Variants in GDA observed in about 807,000 individuals in gnomAD.
GDA encodes guanine deaminase.
GDA carries 18 observed loss-of-function variants against 59.6 expected under a neutral mutation model. The observed-to-expected ratio is 0.30, with a 90% confidence interval of 0.21 to 0.45. The LOEUF (loss-of-function observed/expected upper bound fraction) is 0.45, where lower values mean the gene tolerates loss of function less well. Among genes scored for constraint, GDA ranks in the 20% least tolerant of loss-of-function variants. The pLI, the probability that GDA is intolerant of heterozygous loss-of-function variation, is 1.00. For synonymous variants in GDA, 201 were observed against 201.1 expected (o/e 1.00, Z 0.00); for missense variants, 427 against 552.3 (o/e 0.77, Z 2.27).
chr9:72,233,497 C>T (rs538135042), intron 10 of GDA, among the ~76,000 whole-genome samples: 1 of 152,154 alleles, frequency 6.6e-6, no homozygotes, highest in Non-Finnish European at 1.5e-5. Context: ...CATAGACTCT[C>T]ATACACTGAT....
intron 1 of GDA, among the ~76,000 whole-genome samples, chr9:72,158,829 CA>C (rs1297838453): frequency 6.6e-6 from 1 of 152,026 alleles, no homozygotes; most frequent in Non-Finnish European, 1.5e-5. Context: ...GACAGTCTGC[CA>C]AATCCCTTAC....
Position 72,250,703 on chromosome 9 carries a change from C to T in GDA, c.*2361C>T. 1.2e-6 allele frequency: 2 copies of T among 1,611,256 alleles called. No homozygotes were observed. The highest frequency in any genetic ancestry group is 1.7e-6 in the Non-Finnish European group (2 of 1,179,110). On this transcript the variant is annotated 3_prime_UTR_variant, in exon 14 of 14. Transcript: ENST00000358399. ...AATTGTGGAGAGGCACTTTTCCAAG[C>T]CAATCTTATTTGTCACTTTTTGTTT...
chr9:72,202,267 T>G (rs1197555577), intron 2 of GDA, among the ~76,000 whole-genome samples: 2 of 152,102 alleles, frequency 1.3e-5, no homozygotes, highest in Admixed American at 6.6e-5. Flanking sequence ...TAAATCAGAG[T>G]TCCCGTCCTT....
intron 3 of GDA, among the ~76,000 whole-genome samples, chr9:72,203,759 C>A (rs902248120): frequency 6.6e-6 from 1 of 152,066 alleles, no homozygotes; most frequent in Non-Finnish European, 1.5e-5. Flanking sequence ...AACCATCTTG[C>A]CAGTTTTTTT....
At chr9:72,135,301 A>G (rs1040046253) in intron 1 of GDA, among the ~76,000 whole-genome samples, 2 of 152,152 alleles carry the variant, frequency 1.3e-5, no homozygotes, top group African/African-American at 4.8e-5. Context: ...AAAAATAGCA[A>G]TAATATTTTG....
chr9:72,162,946 T>C (rs991224308), intron 1 of GDA, among the ~76,000 whole-genome samples: 1 of 152,202 alleles, frequency 6.6e-6, no homozygotes, highest in Admixed American at 6.5e-5. Context: ...CGTGAGCCAA[T>C]GCGCCCTGAC....
chr9:72,138,531 C>T (rs931010913), intron 1 of GDA, among the ~76,000 whole-genome samples: 3 of 152,206 alleles, frequency 2.0e-5, no homozygotes, highest in Admixed American at 6.5e-5. Flanking sequence ...TAACAATCAT[C>T]TATTGAGTGT....
At chr9:72,169,883 A>G (rs1357563707) in intron 1 of GDA, among the ~76,000 whole-genome samples, 2 of 152,218 alleles carry the variant, frequency 1.3e-5, no homozygotes, top group African/African-American at 4.8e-5. Flanking sequence ...AGAAGTTTTC[A>G]ATTGCACCAT....
At chr9:72,143,192 C>T (rs368034034) in intron 1 of GDA, among the ~76,000 whole-genome samples, 18 of 147,736 alleles carry the variant, frequency 1.2e-4, no homozygotes, top group East Asian at 1.2e-3. Flanking sequence ...TGCAATGGCG[C>T]GATCTCGGCT....
rs17057536 is a variant in GDA, at chr9:72,231,188, A to G, written c.988+7A>G. 407,648 of 1,469,224 alleles carry G rather than the reference A, an allele frequency of 0.28. 60,128 individuals carry two copies. Among genetic ancestry groups the G allele is most frequent in the East Asian group, 0.49 (21,780 of 44,064 alleles). 91.0% of individuals were successfully genotyped at this position (1,469,224 alleles called of 1,614,324 possible). A position where few individuals can be genotyped will look rare whatever the true frequency, so the allele number is the denominator to read the frequency against. The stretch of plus-strand genomic sequence containing the variant: ...AAGATAGGGCTGGGTACAGGTTAGT[A>G]GTTCACCATTTGGAGCTATGGCAAA... On this transcript the variant is annotated splice_region_variant and intron_variant, in intron 10 of 13. Transcript: ENST00000358399.
chr9:72,214,345 CTCAGCTCACTGCAACCT>C (rs1444381358), intron 5 of GDA, among the ~76,000 whole-genome samples: 3 of 150,822 alleles, frequency 2.0e-5, no homozygotes, highest in Non-Finnish European at 2.9e-5. Flanking sequence ...ATGGCGTGGT[CTCAGCTCACTGCAACCT>C]TCAGCTCACT....
At chr9:72,136,836 A>C (rs1215817655) in intron 1 of GDA, among the ~76,000 whole-genome samples, 2 of 152,066 alleles carry the variant, frequency 1.3e-5, no homozygotes, top group Non-Finnish European at 2.9e-5. Flanking sequence ...TTAGCCGGGC[A>C]TGGTGGCAGG....
intron 9 of GDA, among the ~76,000 whole-genome samples, chr9:72,230,501 AATAT>A (rs58535811): frequency 4.2e-4 from 60 of 144,014 alleles, no homozygotes; most frequent in Middle Eastern, 3.7e-3. Context: ...AAAAAAAAAA[AATAT>A]ATATATATAT....
intron 11 of GDA, among the ~76,000 whole-genome samples, chr9:72,244,509 CAA>C (rs1009878880): frequency 3.9e-5 from 6 of 152,092 alleles, no homozygotes; most frequent in African/African-American, 1.2e-4. Context: ...TTTGAGGTTG[CAA>C]AGAGATTGGT....
At chr9:72,216,572 CA>C (rs1323805123) in intron 5 of GDA, among the ~76,000 whole-genome samples, 1 of 152,124 alleles carries the variant, frequency 6.6e-6, no homozygotes, top group African/African-American at 2.4e-5. Context: ...AAACCAAACA[CA>C]AAAGGCCACA....
At chr9:72,131,328 G>A (rs920648861) in intron 1 of GDA, among the ~76,000 whole-genome samples, 1 of 152,112 alleles carries the variant, frequency 6.6e-6, no homozygotes, top group African/African-American at 2.4e-5. Context: ...CTGTGTTGAC[G>A]CCCCTCCCTG....
upstream of GDA, among the ~76,000 whole-genome samples, chr9:72,145,128 A>G (rs7865879): frequency 6.6e-6 from 1 of 152,234 alleles, no homozygotes; most frequent in South Asian, 2.1e-4. Flanking sequence ...TCGATAGCCC[A>G]TTCTACTGAC....
intron 1 of GDA, among the ~76,000 whole-genome samples, chr9:72,185,865 A>G (rs1302750808): frequency 6.6e-6 from 1 of 152,040 alleles, no homozygotes; most frequent in Non-Finnish European, 1.5e-5. Context: ...TGCTCATCCT[A>G]AATAGTCCCA....
intron 1 of GDA, among the ~76,000 whole-genome samples, chr9:72,116,637 G>T (rs62561326): frequency 6.6e-6 from 1 of 151,858 alleles, no homozygotes; most frequent in Non-Finnish European, 1.5e-5. Context: ...CACCTGCCTC[G>T]GCCTCCCAAA....
Sources: gnomAD v4.1 joint callset for allele counts (sites outside exome capture counted in the v4.1 genomes callset) on GRCh38, gnomAD v4.1.1 for gene constraint, MANE v1.5 for transcripts, NCBI Gene and HGNC (gene_info 2026-07-23, HGNC 2026-07-21) for gene names.